The following BMX variants were observed in gnomAD, a reference collection of about 807,000 sequenced individuals.
BMX encodes the protein BMX non-receptor tyrosine kinase, also known as cytoplasmic tyrosine-protein kinase BMX.
A neutral mutation model predicts 59.2 loss-of-function variants in BMX; 31 were observed. The observed-to-expected ratio is 0.52, with a 90% CI of 0.39 to 0.71. The LOEUF (loss-of-function observed/expected upper bound fraction) is 0.71, where lower values mean the gene tolerates loss of function less well. Among genes scored for constraint, BMX ranks in the 30% least tolerant of loss-of-function variants. BMX has a pLI of 0.00. For synonymous variants in BMX, 185 were observed against 181.0 expected (o/e 1.02, Z -0.18); for missense variants, 474 against 491.7 (o/e 0.96, Z 0.34).
At chrX:15,504,379 GAC>G (rs1200653621) in intron 1 of BMX, among the ~76,000 whole-genome samples, 1 of 111,811 alleles carries the variant, frequency 8.9e-6, no homozygotes, top group Non-Finnish European at 1.9e-5. Flanking sequence ...TGGCCAGGGT[GAC>G]ACAGTTTACA....
chrX:15,504,359 G>T (rs1923668820), intron 1 of BMX, among the ~76,000 whole-genome samples: 1 of 111,908 alleles, frequency 8.9e-6, no homozygotes. Context: ...GTTAGTGCAG[G>T]GAAGGGGCTT....
At chrX:15,555,715 C>T (rs1926402116) in intron 18 of BMX, among the ~76,000 whole-genome samples, 1 of 111,506 alleles carries the variant, frequency 9.0e-6, no homozygotes, top group Admixed American at 9.5e-5. Flanking sequence ...AATTTTATAT[C>T]CTGCTCTCCT....
chrX:15,516,085 CTT>C lies in BMX; in HGVS notation c.326-26_326-25del, dbSNP rs764219612. On this transcript the variant is annotated intron_variant, in intron 4 of 18. Transcript: ENST00000348343. Reference sequence around the variant, plus strand: ...CTCTTGGATCAACGTTTGCTAACGTCTTGTTTTCTTCCTGTCTGCTCCTCAGA... The same window carrying C: ...CTCTTGGATCAACGTTTGCTAACGTCGTTTTCTTCCTGTCTGCTCCTCAGA... 3 of 1,202,043 alleles carry C rather than the reference CTT, an allele frequency of 2.5e-6. No homozygotes were observed. The African/African-American group carries it at 5.2e-5, about 21-fold the overall frequency.
At chrX:15,539,874 G>T (rs139535553) in intron 14 of BMX, among the ~76,000 whole-genome samples, 1 of 112,160 alleles carries the variant, frequency 8.9e-6, no homozygotes, top group African/African-American at 3.2e-5. Context: ...CAAAACGACA[G>T]TGAGATACCA....
At position 15,543,429 on chromosome X, in the gene BMX, T is replaced by C. The variant is rs757986636; in HGVS notation, c.1676+294T>C. On this transcript the variant is annotated intron_variant, in intron 16 of 18. Coordinates refer to ENST00000348343, the MANE Select transcript of BMX (RefSeq NM_203281.3). ...TTTTACTTTCTTTTAAATTTTTTTA[T>C]TTTTAATTTTTGTGGGTACATAGTA... Among the ~76,000 whole-genome samples the C allele has an allele frequency of 2.7e-5, 3 of 111,475 alleles. No individual in the cohort carries two copies. In the East Asian group the frequency reaches 8.4e-4, roughly 31 times the overall value.
At chrX:15,503,631 T>C in intron 1 of BMX, among the ~76,000 whole-genome samples, 1 of 112,014 alleles carries the variant, frequency 8.9e-6, no homozygotes, top group Non-Finnish European at 1.9e-5. Flanking sequence ...AGGTTTCTTA[T>C]AAGATTTGAC....
intron 7 of BMX, among the ~76,000 whole-genome samples, chrX:15,524,015 C>T (rs890077949): frequency 8.9e-6 from 1 of 112,221 alleles, no homozygotes; most frequent in Non-Finnish European, 1.9e-5. Context: ...AAAGTGCAGC[C>T]ATGATTCTTA....
In BMX at chrX:15,556,118, G is replaced by A; in HGVS notation, c.1999G>A (p.Glu667Lys). The change falls in exon 19 of 19, where the codon GAA becomes AAA. Residue 667 changes from glutamate to lysine, a missense_variant. Coordinates refer to ENST00000348343, the MANE Select transcript of BMX (RefSeq NM_203281.3). ...ATTTCAGCAACTCCTGTCTTCCATT[G>A]AACCACTTCGGGAAAAAGACAAGCA... ...PTFQQLLSSI[E>K]PLREKDKH The A allele has an allele frequency of 8.3e-7, 1 of 1,207,321 alleles. No individual in the cohort carries two copies. The highest frequency in any genetic ancestry group is 1.1e-6 in the Non-Finnish European group (1 of 893,642).
intron 17 of BMX, among the ~76,000 whole-genome samples, chrX:15,548,521 C>T (rs1294235434): frequency 9.0e-6 from 1 of 111,665 alleles, no homozygotes; most frequent in South Asian, 3.8e-4. Context: ...AATCAATGCC[C>T]TAATTTAATA....
Position 15,527,004 on chromosome X carries a change from A to G in BMX, c.884+909A>G, listed in dbSNP as rs746448146. ...ATTTTAAAATAACTTAAAGAGTATA[A>G]TTAATTGTTTGTAACTCAAAGGATA... On this transcript the variant is annotated intron_variant, in intron 9 of 18. Coordinates refer to ENST00000348343, the MANE Select transcript of BMX (RefSeq NM_203281.3). 3.5e-3 allele frequency among the ~76,000 whole-genome samples: 385 copies of G among 108,886 alleles called. 3 individuals carry two copies. The highest frequency in any genetic ancestry group is 0.013 in the African/African-American group (376 of 29,893). The allele number at this position is 108,886 out of a possible 115,157, so 94.6% of individuals were successfully genotyped here.
At position 15,529,733 on chromosome X, in the gene BMX, T is replaced by A. The variant is rs1924973661; in HGVS notation, c.885-240T>A. ...AGTCACCTAGAAGAAAACCAAAGAT[T>A]CCTAAATGCCAGCCCATTTAAAAAT... On this transcript the variant is annotated intron_variant, in intron 9 of 18. Coordinates refer to ENST00000348343, the MANE Select transcript of BMX (RefSeq NM_203281.3). Among the ~76,000 whole-genome samples the A allele has an allele frequency of 4.5e-5, 5 of 112,025 alleles. No homozygotes were observed. The Admixed American group carries it at 4.7e-4, about 11-fold the overall frequency.
chrX:15,510,701 A>G (rs1019774442), intron 3 of BMX, among the ~76,000 whole-genome samples: 3 of 111,802 alleles, frequency 2.7e-5, no homozygotes, highest in Non-Finnish European at 3.8e-5. Context: ...CTCAACTTCT[A>G]TTTCTCACAG....
intron 1 of BMX, among the ~76,000 whole-genome samples, chrX:15,506,130 G>A (rs760209145): frequency 1.0e-4 from 11 of 110,552 alleles, no homozygotes; most frequent in South Asian, 7.8e-4. Flanking sequence ...GACCTCAAGC[G>A]ATTCTCCCTC....
In BMX at chrX:15,537,259, G is replaced by A. The variant is rs1007023293; in HGVS notation, c.1348G>A (p.Gly450Ser). Reference protein sequence around the residue: ...YDVAVKMIKEGSMSEDEFFQE... With the variant: ...YDVAVKMIKESSMSEDEFFQE... The stretch of plus-strand genomic sequence containing the variant: ...TGTTGCTGTTAAGATGATCAAGGAG[G>A]GCTCCATGTCAGAAGATGAATTCTT... Residue 450 changes from glycine (G) to serine (S), a missense_variant, in exon 14 of 19, where the codon GGC (glycine) becomes AGC (serine). Physicochemically the swap from Gly to Ser is moderately conservative, Grantham distance 56. Transcript: ENST00000348343. 5 of 1,209,743 alleles carry A rather than the reference G, an allele frequency of 4.1e-6. No homozygotes were observed. The highest frequency in any genetic ancestry group is 4.5e-6 in the Non-Finnish European group (4 of 894,832).
At chrX:15,516,292 C>T in intron 5 of BMX, 61 bp downstream of exon 5, 6 of 1,165,272 alleles carry the variant, frequency 5.1e-6, no homozygotes, top group Non-Finnish European at 5.8e-6. Context: ...TTAGGCTAAA[C>T]CTGCCAGAGG....
intron 1 of BMX, among the ~76,000 whole-genome samples, chrX:15,506,033 G>T (rs928091282): frequency 1.8e-5 from 2 of 110,808 alleles, no homozygotes; most frequent in Non-Finnish European, 3.8e-5. Context: ...GGGACTACAG[G>T]TGCATGCCAC....
Position 15,502,252 on chromosome X carries a change from G to A in BMX, c.-10+1312G>A, listed in dbSNP as rs545511423. 1.1e-3 allele frequency among the ~76,000 whole-genome samples: 127 copies of A among 111,778 alleles called. 4 individuals carry two copies. In the South Asian group the frequency reaches 0.047, roughly 42 times the overall value. ...CTCGGTGCTTTCACTTGCACTAACC[G>A]GCATCATGAAAGCAGTGTTACATGT... On this transcript the variant is annotated intron_variant, in intron 1 of 18. Coordinates refer to ENST00000348343, the MANE Select transcript of BMX (RefSeq NM_203281.3).
chrX:15,538,132 TTC>T (rs1245860336), intron 14 of BMX, among the ~76,000 whole-genome samples: 19 of 108,258 alleles, frequency 1.8e-4, no homozygotes, highest in Admixed American at 2.9e-4. Flanking sequence ...CCTCTGTGTC[TTC>T]TCTCTCTCTC....
intron 11 of BMX, 103 bp from the exon 12 acceptor site, chrX:15,534,109 C>G: frequency 1.3e-6 from 1 of 781,772 alleles, no homozygotes; most frequent in Non-Finnish European, 1.8e-6. Context: ...TCCCTGACTT[C>G]CCTCTCCAAA....
Sources: allele counts gnomAD v4.1 joint callset (sites outside exome capture counted in the v4.1 genomes callset), GRCh38; gene constraint gnomAD v4.1.1; transcripts MANE v1.5; gene names NCBI Gene and HGNC (gene_info 2026-07-23, HGNC 2026-07-21).